The following MAGI1 variants were observed in gnomAD, a reference collection of about 807,000 sequenced individuals.
MAGI1 encodes the protein membrane-associated guanylate kinase, WW and PDZ domain-containing protein 1.
Under a neutral mutation model 139.9 loss-of-function variants are expected in MAGI1, and 58 were observed. The observed-to-expected ratio is 0.41, with a 90% confidence interval of 0.34 to 0.52. The LOEUF (loss-of-function observed/expected upper bound fraction) is 0.52. Ranked by LOEUF, MAGI1 falls within the 20% of genes least tolerant of loss-of-function variation. MAGI1 has a pLI of 0.12. For synonymous variants in MAGI1, 812 were observed against 737.9 expected (o/e 1.10, Z -1.63); for missense variants, 1,874 against 1,901.6 (o/e 0.99, Z 0.27).
At chr3:65,951,028 GAA>G (rs1560047299) in intron 1 of MAGI1, among the ~76,000 whole-genome samples, 5,512 of 88,498 alleles carry the variant, frequency 0.062, 537 homozygotes, top group Middle Eastern at 0.12. Flanking sequence ...AGGAAGGAAG[GAA>G]GGAAGGAAAG....
intron 1 of MAGI1, among the ~76,000 whole-genome samples, chr3:65,945,898 C>G (rs190066676): frequency 6.6e-6 from 1 of 152,204 alleles, no homozygotes; most frequent in Non-Finnish European, 1.5e-5. Context: ...AGAGACAGAG[C>G]AGTGGCTAAA....
chr3:65,953,001 T>C (rs1044262166), intron 1 of MAGI1, among the ~76,000 whole-genome samples: 2 of 152,022 alleles, frequency 1.3e-5, no homozygotes, highest in Non-Finnish European at 2.9e-5. Context: ...AGTCAAGTAC[T>C]ATTATTATCC....
At chr3:65,582,514 T>C (rs963137550) in intron 2 of MAGI1, among the ~76,000 whole-genome samples, 3 of 152,224 alleles carry the variant, frequency 2.0e-5, no homozygotes, top group East Asian at 3.8e-4. Context: ...TGGCAGCTCT[T>C]TGGAATTCCT....
intron 1 of MAGI1, among the ~76,000 whole-genome samples, chr3:65,991,159 T>C (rs1018017339): frequency 7.2e-4 from 109 of 151,728 alleles, no homozygotes; most frequent in African/African-American, 2.5e-3. Context: ...CGTGGTAGCA[T>C]GCGCCTGTAG....
At chr3:65,442,666 T>G in intron 8 of MAGI1, 126 bp downstream of exon 8, 2 of 625,332 alleles carry the variant, frequency 3.2e-6, no homozygotes, top group Non-Finnish European at 5.6e-6. Context: ...GCATACATAT[T>G]TTCATCATAA....
intron 1 of MAGI1, among the ~76,000 whole-genome samples, chr3:65,934,374 G>C (rs1199958151): frequency 1.3e-5 from 2 of 151,830 alleles, no homozygotes; most frequent in Non-Finnish European, 2.9e-5. Context: ...TAGGATTATA[G>C]GCATGATTCT....
chr3:65,477,695 T>C (rs540625070), intron 4 of MAGI1, among the ~76,000 whole-genome samples: 1 of 115,572 alleles, frequency 8.7e-6, no homozygotes, highest in Non-Finnish European at 1.8e-5. Context: ...CACGCAACAT[T>C]ATTATTATTA....
intron 1 of MAGI1, among the ~76,000 whole-genome samples, chr3:65,693,106 T>C (rs1411556911): frequency 2.6e-5 from 4 of 152,120 alleles, no homozygotes; most frequent in Admixed American, 2.6e-4. Flanking sequence ...TGGCTATTTT[T>C]ATTTTTTAAA....
chr3:65,725,078 C>A (rs2033455943), intron 1 of MAGI1, among the ~76,000 whole-genome samples: 4 of 152,004 alleles, frequency 2.6e-5, no homozygotes, highest in Admixed American at 2.6e-4. Context: ...GGATTTGAGT[C>A]AAAAAAACTC....
chr3:65,792,460 C>T (rs558795985), intron 1 of MAGI1, among the ~76,000 whole-genome samples: 15 of 151,790 alleles, frequency 9.9e-5, no homozygotes, highest in Admixed American at 2.0e-4. Context: ...CTCTCTCAAA[C>T]GATGATAATA....
chr3:65,383,284 G>C (rs934126847), intron 15 of MAGI1, among the ~76,000 whole-genome samples: 1 of 152,166 alleles, frequency 6.6e-6, no homozygotes, highest in African/African-American at 2.4e-5. Context: ...GGGGGAAAAG[G>C]GGTGGTCTAC....
chr3:65,810,232 A>C (rs2108189691), intron 1 of MAGI1, among the ~76,000 whole-genome samples: 1 of 152,376 alleles, frequency 6.6e-6, no homozygotes, highest in Admixed American at 6.5e-5. Context: ...ACATTGGGCA[A>C]GCCCAAGAGG....
chr3:65,630,808 A>G (rs746860787), intron 1 of MAGI1, among the ~76,000 whole-genome samples: 2 of 152,190 alleles, frequency 1.3e-5, no homozygotes, highest in South Asian at 2.1e-4. Context: ...ATTCACCACT[A>G]AAGAACTCAT....
chr3:66,037,996 C>T lies in MAGI1; in HGVS notation c.313G>A (p.Gly105Arg), dbSNP rs1406179795. ...EAVTFKAVRQ[G>R]GRLNKDLRHF... ...CCCCCAAAGGCGCGCCCTGCCTTAC[C>T]TTGTCTGACGGCCTTGAAGGTGACG... The change falls in exon 1 of 23, where the codon GGA (glycine) becomes AGA (arginine). Residue 105 changes from glycine (G) to arginine (R), a missense_variant and splice_region_variant. Physicochemically the swap from Gly to Arg is moderately radical, Grantham distance 125. Coordinates refer to ENST00000402939, the MANE Select transcript of MAGI1 (RefSeq NM_001033057.2). 6.4e-7 allele frequency: 1 copy of T among 1,570,734 alleles called. No individual in the cohort carries two copies. The highest frequency in any genetic ancestry group is 8.6e-7 in the Non-Finnish European group (1 of 1,156,910).
chr3:65,551,679 C>G (rs1439334987), intron 2 of MAGI1, among the ~76,000 whole-genome samples: 1 of 152,180 alleles, frequency 6.6e-6, no homozygotes, highest in African/African-American at 2.4e-5. Context: ...AGAAGAAAGC[C>G]AAAAGCAATT....
At chr3:65,937,793 C>T (rs1461718488) in intron 1 of MAGI1, among the ~76,000 whole-genome samples, 1 of 151,842 alleles carries the variant, frequency 6.6e-6, no homozygotes, top group Admixed American at 6.6e-5. Flanking sequence ...AGTAATGAAA[C>T]TACACCAAAA....
chr3:65,372,918 T>C (rs754979571), intron 18 of MAGI1, among the ~76,000 whole-genome samples: 4 of 152,236 alleles, frequency 2.6e-5, no homozygotes, highest in Non-Finnish European at 4.4e-5. Context: ...CATAAGGGAA[T>C]GTTGTGGCTG....
chr3:65,790,901 C>T (rs919663848), intron 1 of MAGI1, among the ~76,000 whole-genome samples: 2 of 152,048 alleles, frequency 1.3e-5, no homozygotes, highest in African/African-American at 4.8e-5. Context: ...ATGGTAAAAT[C>T]CCATTTCTAC....
chr3:65,599,247 G>T (rs1440115201), intron 2 of MAGI1, among the ~76,000 whole-genome samples: 1 of 152,178 alleles, frequency 6.6e-6, no homozygotes, highest in Non-Finnish European at 1.5e-5. Flanking sequence ...AGGCTTTACG[G>T]GTGCGGGAGA....
Sources: gnomAD v4.1 joint callset for allele counts (sites outside exome capture counted in the v4.1 genomes callset) on GRCh38, gnomAD v4.1.1 for gene constraint, MANE v1.5 for transcripts, NCBI Gene and HGNC (gene_info 2026-07-23, HGNC 2026-07-21) for gene names.